RBFOX1: variants seen among roughly 807,000 people sequenced by gnomAD.
RBFOX1 encodes RNA binding fox-1 homolog 1, also known as RNA binding protein fox-1 homolog 1.
RBFOX1 carries 8 observed loss-of-function variants against 57.7 expected under a neutral mutation model. The ratio of observed to expected loss-of-function variants is 0.14; its 90% confidence interval spans 0.08 to 0.25. The LOEUF (loss-of-function observed/expected upper bound fraction) is 0.25, where lower values mean the gene tolerates loss of function less well. Among genes scored for constraint, RBFOX1 ranks in the 10% least tolerant of loss-of-function variants. RBFOX1 has a pLI of 1.00. For synonymous variants in RBFOX1, 326 were observed against 222.4 expected (o/e 1.47, Z -4.15); for missense variants, 611 against 548.5 (o/e 1.11, Z -1.14).
chr16:5,542,750 A>T (rs1442010312), intron 2 of RBFOX1, among the ~76,000 whole-genome samples: 2 of 152,232 alleles, frequency 1.3e-5, no homozygotes, highest in African/African-American at 4.8e-5. Flanking sequence ...TAAGAAGGCC[A>T]AAATTATGCT....
intron 2 of RBFOX1, among the ~76,000 whole-genome samples, chr16:6,649,481 C>T (rs564797230): frequency 7.9e-5 from 12 of 152,236 alleles, no homozygotes; most frequent in South Asian, 2.1e-4. Flanking sequence ...CAGTGTACAC[C>T]GTACCCAACG....
chr16:7,233,039 C>G (rs1248429001), intron 4 of RBFOX1, among the ~76,000 whole-genome samples: 1 of 152,102 alleles, frequency 6.6e-6, no homozygotes, highest in Non-Finnish European at 1.5e-5. Context: ...TTTCCCTTTT[C>G]AATCCCTTTT....
chr16:6,152,947 T>C (rs916832669), intron 1 of RBFOX1, among the ~76,000 whole-genome samples: 1 of 152,068 alleles, frequency 6.6e-6, no homozygotes, highest in African/African-American at 2.4e-5. Context: ...GTGCCACCCA[T>C]GTTGCAATGT....
intron 4 of RBFOX1, among the ~76,000 whole-genome samples, chr16:7,203,908 A>T (rs762067345): frequency 3.9e-5 from 6 of 152,246 alleles, no homozygotes; most frequent in Non-Finnish European, 8.8e-5. Context: ...CTAGTCAAGA[A>T]GGACAGGTGC....
At chr16:5,500,390 T>G (rs774079260) in intron 2 of RBFOX1, among the ~76,000 whole-genome samples, 1 of 151,942 alleles carries the variant, frequency 6.6e-6, no homozygotes, top group Non-Finnish European at 1.5e-5. Flanking sequence ...GCCTGGCTAA[T>G]TCTTTAATTT....
At chr16:7,491,147 A>T (rs545648263) in intron 4 of RBFOX1, among the ~76,000 whole-genome samples, 2 of 152,158 alleles carry the variant, frequency 1.3e-5, no homozygotes, top group African/African-American at 4.8e-5. Flanking sequence ...AAGATATTCA[A>T]ATCATGAGAT....
intron 4 of RBFOX1, among the ~76,000 whole-genome samples, chr16:7,143,730 T>A (rs1021139997): frequency 6.6e-6 from 1 of 152,062 alleles, no homozygotes; most frequent in Non-Finnish European, 1.5e-5. Context: ...CATACATTCA[T>A]CCATGGGTTT....
intron 1 of RBFOX1, among the ~76,000 whole-genome samples, chr16:5,328,813 A>T (rs1296711217): frequency 2.0e-5 from 3 of 152,208 alleles, no homozygotes; most frequent in African/African-American, 7.2e-5. Context: ...CAGCCACGAG[A>T]ATGTGAAATT....
intron 2 of RBFOX1, among the ~76,000 whole-genome samples, chr16:6,529,361 C>G (rs1437219061): frequency 6.6e-6 from 1 of 151,988 alleles, no homozygotes; most frequent in Non-Finnish European, 1.5e-5. Context: ...AAGGTGGAGA[C>G]CAGCCTGACC....
At chr16:7,157,993 A>G (rs1009689804) in intron 4 of RBFOX1, among the ~76,000 whole-genome samples, 42 of 152,168 alleles carry the variant, frequency 2.8e-4, no homozygotes, top group African/African-American at 8.2e-4. Flanking sequence ...AGCTGTAAGA[A>G]ATAATACAGA....
intron 5 of RBFOX1, among the ~76,000 whole-genome samples, chr16:7,554,038 G>T (rs2152567764): frequency 6.6e-6 from 1 of 152,272 alleles, no homozygotes. Context: ...GAGCCCAGGA[G>T]GTCGAGGCTG....
chr16:6,839,664 TCTC>T (rs1381064180), intron 3 of RBFOX1, among the ~76,000 whole-genome samples: 1 of 152,108 alleles, frequency 6.6e-6, no homozygotes, highest in African/African-American at 2.4e-5. Flanking sequence ...TTTTGCAAAC[TCTC>T]CTATTTTTAA....
At chr16:6,629,903 T>C (rs940997672) in intron 2 of RBFOX1, among the ~76,000 whole-genome samples, 2 of 151,884 alleles carry the variant, frequency 1.3e-5, no homozygotes, top group Non-Finnish European at 2.9e-5. Flanking sequence ...GACTAACTCA[T>C]TTTAATGACC....
chr16:6,702,928 C>T (rs57385786), intron 3 of RBFOX1, among the ~76,000 whole-genome samples: 13,851 of 152,182 alleles, frequency 0.091, 966 homozygotes, highest in African/African-American at 0.2. Flanking sequence ...TCCCCATTCT[C>T]ATGTCCTCCC....
At position 6,866,041 on chromosome 16, in the gene RBFOX1, A is replaced by G. The variant is rs532392945; in HGVS notation, c.-15-186016A>G. ...CTAGCACATCTTTGAATGCATCTGGAAAGAAAAGAGTAAATCAGGATTGAA... is the reference window on the plus strand; with the variant it reads ...CTAGCACATCTTTGAATGCATCTGGGAAGAAAAGAGTAAATCAGGATTGAA... On this transcript the variant is annotated intron_variant, in intron 3 of 15. Coordinates refer to ENST00000550418, the MANE Select transcript of RBFOX1 (RefSeq NM_018723.4). Among the ~76,000 whole-genome samples, 17 of 152,292 alleles carry G rather than the reference A, an allele frequency of 1.1e-4. No homozygotes were observed. The South Asian group carries it at 3.1e-3, about 28-fold the overall frequency.
chr16:6,762,611 C>G (rs1254933129), intron 3 of RBFOX1, among the ~76,000 whole-genome samples: 1 of 152,124 alleles, frequency 6.6e-6, no homozygotes, highest in Non-Finnish European at 1.5e-5. Context: ...ATGAAAGGAA[C>G]AGCAAAAGTC....
At chr16:6,606,452 C>T (rs1169806952) in intron 2 of RBFOX1, among the ~76,000 whole-genome samples, 1 of 152,116 alleles carries the variant, frequency 6.6e-6, no homozygotes, top group Non-Finnish European at 1.5e-5. Flanking sequence ...TTTGCTGCAC[C>T]TATCAACCCA....
chr16:7,582,759 A>C (rs2093873609), intron 6 of RBFOX1, among the ~76,000 whole-genome samples: 1 of 152,194 alleles, frequency 6.6e-6, no homozygotes, highest in Non-Finnish European at 1.5e-5. Flanking sequence ...CCACTTTGAC[A>C]GGGGTTTACA....
chr16:6,076,008 A>G (rs2095893952), intron 1 of RBFOX1, among the ~76,000 whole-genome samples: 1 of 152,140 alleles, frequency 6.6e-6, no homozygotes, highest in African/African-American at 2.4e-5. Context: ...CTCTTAAAAC[A>G]CAGCTCTTGG....
Sources: gnomAD v4.1 joint callset for allele counts (sites outside exome capture counted in the v4.1 genomes callset) on GRCh38, gnomAD v4.1.1 for gene constraint, MANE v1.5 for transcripts, NCBI Gene and HGNC (gene_info 2026-07-23, HGNC 2026-07-21) for gene names.